PDLIM1: variants seen among roughly 807,000 people sequenced by gnomAD.
PDLIM1 encodes the protein PDZ and LIM domain protein 1.
A neutral mutation model predicts 35.2 loss-of-function variants in PDLIM1; 25 were observed. The observed-to-expected ratio is 0.71, with a 90% confidence interval of 0.52 to 0.99. PDLIM1 has a LOEUF of 0.99. Ranked by LOEUF, PDLIM1 falls within the 50% of genes least tolerant of loss-of-function variation. PDLIM1 has a pLI of 0.00. For missense variants in PDLIM1, 363 were observed against 415.3 expected (o/e 0.87, Z 1.09); for synonymous variants, 152 against 154.0 (o/e 0.99, Z 0.10).
intron 1 of PDLIM1, among the ~76,000 whole-genome samples, chr10:95,272,003 G>A (rs528854177): frequency 6.6e-6 from 1 of 152,168 alleles, no homozygotes; most frequent in South Asian, 2.1e-4. Context: ...GAGAAAGGAG[G>A]ACAAATAGCA....
intron 5 of PDLIM1, among the ~76,000 whole-genome samples, chr10:95,241,394 T>C (rs1195946293): frequency 6.6e-6 from 1 of 152,208 alleles, no homozygotes; most frequent in African/African-American, 2.4e-5. Flanking sequence ...GACTGTATTT[T>C]GACCACAATT....
At position 95,264,016 on chromosome 10, in the gene PDLIM1, A is replaced by C; in HGVS notation, c.381T>G (p.Phe127Leu). The change falls in exon 4 of 7, where the codon TTT (phenylalanine) becomes TTG (leucine). Residue 127 changes from phenylalanine (F) to leucine (L), a missense_variant. Physicochemically the swap from Phe to Leu is conservative, Grantham distance 22 (BLOSUM62 0). Transcript: ENST00000329399. ...TAGTGCTGGAGGCAGGCGAGGCGGTAAAGGGCATGGCACTTCGGTTGTGGG... is the reference window on the plus strand; with the variant it reads ...TAGTGCTGGAGGCAGGCGAGGCGGTCAAGGGCATGGCACTTCGGTTGTGGG... ...GSAHNRSAMP[F>L]TASPASSTTA... 1 of 1,613,760 alleles carries C rather than the reference A, an allele frequency of 6.2e-7. No individual in the cohort carries two copies. The highest frequency in any genetic ancestry group is 8.5e-7 in the Non-Finnish European group (1 of 1,179,856).
At chr10:95,244,691 C>G (rs117130695) in intron 5 of PDLIM1, among the ~76,000 whole-genome samples, 1 of 152,176 alleles carries the variant, frequency 6.6e-6, no homozygotes, top group Non-Finnish European at 1.5e-5. Flanking sequence ...CCTGAGGTCA[C>G]AAGTTCAAGA....
rs766156609 is a variant in PDLIM1 at position 95,237,817 on chromosome 10, G to C, written c.*108C>G. On this transcript the variant is annotated 3_prime_UTR_variant, in exon 7 of 7. Transcript: ENST00000329399. The stretch of plus-strand genomic sequence containing the variant: ...GGGGACTCAATGTTTTACAAGCAGA[G>C]GGAAAACCAAAGTAAGCAGAGAACT... The C allele has an allele frequency of 1.6e-4, 153 of 954,476 alleles. No homozygotes were observed. Among genetic ancestry groups the C allele is most frequent in the Non-Finnish European group, 2.2e-4 (139 of 639,168 alleles). 59.1% of individuals were successfully genotyped at this position (954,476 alleles called of 1,614,324 possible).
chr10:95,253,176 A>C (rs1289836779), intron 4 of PDLIM1, among the ~76,000 whole-genome samples: 1 of 152,208 alleles, frequency 6.6e-6, no homozygotes. Context: ...AAAAGACAGC[A>C]GATTTCTTAT....
At chr10:95,257,763 T>C (rs550764793) in intron 4 of PDLIM1, among the ~76,000 whole-genome samples, 86 of 152,192 alleles carry the variant, frequency 5.7e-4, no homozygotes, top group African/African-American at 1.9e-3. Context: ...AAATTAAAAA[T>C]TTACCATATG....
At chr10:95,241,115 A>G (rs1211897949) in intron 5 of PDLIM1, among the ~76,000 whole-genome samples, 3 of 152,196 alleles carry the variant, frequency 2.0e-5, no homozygotes, top group African/African-American at 4.8e-5. Flanking sequence ...GACTGCAGTC[A>G]CGTCGGGCAA....
At chr10:95,254,607 G>C (rs1194654036) in intron 4 of PDLIM1, among the ~76,000 whole-genome samples, 1 of 152,096 alleles carries the variant, frequency 6.6e-6, no homozygotes, top group Non-Finnish European at 1.5e-5. Flanking sequence ...AATCAGAGAG[G>C]ATACAGAAAA....
rs146402357 is a variant in PDLIM1 at position 95,245,503 on chromosome 10, G to A, written c.685+1712C>T. On this transcript the variant is annotated intron_variant, in intron 5 of 6. Transcript: ENST00000329399. Reference sequence around the variant, plus strand: ...CTCTGCAGCATGTCTAGTTGGGCACGGATGAACTTGACCTTGCCTCTCATT... The same window carrying A: ...CTCTGCAGCATGTCTAGTTGGGCACAGATGAACTTGACCTTGCCTCTCATT... Among the ~76,000 whole-genome samples the A allele has an allele frequency of 5.3e-4, 80 of 152,282 alleles. 2 individuals are homozygous for A. In the East Asian group the frequency reaches 0.013, roughly 24 times the overall value.
At chr10:95,278,325 C>A (rs1279033819) in intron 1 of PDLIM1, among the ~76,000 whole-genome samples, 2 of 152,194 alleles carry the variant, frequency 1.3e-5, no homozygotes. Context: ...GCAATTCAGG[C>A]AGAGCCCCCA....
At chr10:95,276,953 C>T (rs1040003258) in intron 1 of PDLIM1, among the ~76,000 whole-genome samples, 3 of 149,178 alleles carry the variant, frequency 2.0e-5, no homozygotes, top group Non-Finnish European at 3.0e-5. Flanking sequence ...TGGCTTACGC[C>T]TGTAATCCCA....
intron 1 of PDLIM1, among the ~76,000 whole-genome samples, chr10:95,288,174 T>C (rs2035618444): frequency 6.6e-6 from 1 of 152,020 alleles, no homozygotes; most frequent in Non-Finnish European, 1.5e-5. Context: ...TATTCCACAA[T>C]AAAAAATAAG....
At chr10:95,269,582 A>AG (rs1284196989) in intron 2 of PDLIM1, among the ~76,000 whole-genome samples, 1 of 151,574 alleles carries the variant, frequency 6.6e-6, no homozygotes, top group African/African-American at 2.4e-5. Context: ...AAAAAAAAAA[A>AG]AAAAAGAGAA....
In PDLIM1 at chr10:95,282,664, G is replaced by C. The variant is rs150959840; in HGVS notation, c.96+8156C>G. Among the ~76,000 whole-genome samples the C allele has an allele frequency of 2.4e-4, 37 of 152,346 alleles. No homozygotes were observed. In the East Asian group the frequency reaches 6.6e-3, roughly 27 times the overall value. ...ATTCTTAAGAAGTCATCGAGGCCAG[G>C]CGTGGTGGCTCATGCCGGTAATCCC... On this transcript the variant is annotated intron_variant, in intron 1 of 6. Coordinates refer to ENST00000329399, the MANE Select transcript of PDLIM1 (RefSeq NM_020992.4).
At position 95,237,854 on chromosome 10, in the gene PDLIM1, A is replaced by G; in HGVS notation, c.*71T>C. On this transcript the variant is annotated 3_prime_UTR_variant, in exon 7 of 7. Coordinates refer to ENST00000329399, the MANE Select transcript of PDLIM1 (RefSeq NM_020992.4). ...GTAAGCAGAGAACTTTCAAGAGAGG[A>G]GAGGGCCAGAACACTGAGAGAAAAA... is the stretch of plus-strand genomic sequence containing the variant. 7.5e-7 allele frequency: 1 copy of G among 1,329,362 alleles called. No individual in the cohort carries two copies. Among genetic ancestry groups the G allele is most frequent in the Non-Finnish European group, 1.1e-6 (1 of 949,908 alleles). 82.3% of individuals were successfully genotyped at this position (1,329,362 alleles called of 1,614,324 possible). A position where few individuals can be genotyped will look rare whatever the true frequency, so the allele number is the denominator to read the frequency against.
rs1461858927 is a variant in PDLIM1 at position 95,290,648 on chromosome 10, G to A, written c.96+172C>T. Among the ~76,000 whole-genome samples, 5 of 151,934 alleles carry A rather than the reference G, an allele frequency of 3.3e-5. No homozygotes were observed. In the East Asian group the frequency reaches 9.7e-4, roughly 29 times the overall value. On this transcript the variant is annotated intron_variant, in intron 1 of 6. Transcript: ENST00000329399. This position sits in a 1 kb window ranked among gnomAD's most constrained non-coding sequence, Gnocchi z 4.7. ...CCCGGGAGCGCAGCCTCCGCGAAGGGGCGGCGGGGAGCGGCGGGGCCCGGG... is the reference window on the plus strand; with the variant it reads ...CCCGGGAGCGCAGCCTCCGCGAAGGAGCGGCGGGGAGCGGCGGGGCCCGGG...
chr10:95,284,787 C>CCGCT (rs2035588160), intron 1 of PDLIM1, among the ~76,000 whole-genome samples: 1 of 152,136 alleles, frequency 6.6e-6, no homozygotes, highest in Non-Finnish European at 1.5e-5. Flanking sequence ...TCCTACAAGA[C>CCGCT]CGCTGTGTTC....
At chr10:95,283,993 G>C (rs1038096192) in intron 1 of PDLIM1, among the ~76,000 whole-genome samples, 75 of 151,806 alleles carry the variant, frequency 4.9e-4, no homozygotes, top group Non-Finnish European at 5.2e-4. Context: ...GTGTGTGTGT[G>C]TGTGTGTGTG....
intron 4 of PDLIM1, among the ~76,000 whole-genome samples, chr10:95,256,838 G>A (rs759844261): frequency 1.3e-5 from 2 of 151,612 alleles, no homozygotes; most frequent in Non-Finnish European, 2.9e-5. Flanking sequence ...AGCCAGGAGT[G>A]GCAACGCAAG....
Sources: gnomAD v4.1 joint callset for allele counts (sites outside exome capture counted in the v4.1 genomes callset) on GRCh38, gnomAD v4.1.1 for gene constraint, Gnocchi (gnomAD v3.1) non-coding constraint, MANE v1.5 for transcripts, NCBI Gene and HGNC (gene_info 2026-07-23, HGNC 2026-07-21) for gene names.